The following HMCN1 variants were observed in gnomAD, a reference collection of about 807,000 sequenced individuals.
The protein encoded by HMCN1 is hemicentin 1.
A neutral mutation model predicts 625.9 loss-of-function variants in HMCN1; 321 were observed. That is an observed-to-expected ratio of 0.51 (90% confidence interval 0.47 to 0.56). HMCN1 has a LOEUF of 0.56. Among genes scored for constraint, HMCN1 ranks in the 20% least tolerant of loss-of-function variants. The pLI, the probability that HMCN1 is intolerant of heterozygous loss-of-function variation, is 0.00. For synonymous variants in HMCN1, 2,425 were observed against 2,417.6 expected (o/e 1.00, Z -0.09); for missense variants, 6,588 against 6,887.3 (o/e 0.96, Z 1.54).
intron 72 of HMCN1, 37 bp from the exon 73 acceptor site, chr1:186,113,942 G>T: frequency 6.2e-7 from 1 of 1,612,738 alleles, no homozygotes; most frequent in Non-Finnish European, 8.5e-7. Flanking sequence ...GTATTATTTA[G>T]TCTCACTGAA....
rs370021314 is a variant in HMCN1, at chr1:185,922,451, C to T, written c.973C>T (p.Arg325Ter). Residue 325 changes from arginine to a stop codon, truncating the protein, a stop_gained, in exon 7 of 107, where the codon CGA becomes TGA. Coordinates refer to ENST00000271588, the MANE Select transcript of HMCN1 (RefSeq NM_031935.3). LOFTEE classifies it high-confidence loss of function. ...TATTGATTTCCGAGCTGGCTTTTCT[C>T]GAAAGCCCACCCTGGACTTCAAAAA... ...STIDFRAGFS[R>*]KPTLDFKKTV... 3 of 1,613,680 alleles carry T rather than the reference C, an allele frequency of 1.9e-6. No homozygotes were observed. The highest frequency in any genetic ancestry group is 2.5e-6 in the Non-Finnish European group (3 of 1,179,752).
chr1:186,027,953 C>CAGGAATGTT (rs923125533), intron 36 of HMCN1, among the ~76,000 whole-genome samples: 9 of 152,110 alleles, frequency 5.9e-5, no homozygotes, highest in African/African-American at 1.9e-4. Context: ...AAAGGAGACT[C>CAGGAATGTT]GGGAATGTTG....
At chr1:186,084,622 C>A (rs1020291561) in intron 57 of HMCN1, among the ~76,000 whole-genome samples, 2 of 151,904 alleles carry the variant, frequency 1.3e-5, no homozygotes, top group Non-Finnish European at 2.9e-5. Flanking sequence ...TTTTCACTTT[C>A]CTTCATGGCC....
At chr1:185,904,183 C>T (rs1375079748) in intron 4 of HMCN1, among the ~76,000 whole-genome samples, 1 of 151,744 alleles carries the variant, frequency 6.6e-6, no homozygotes, top group Non-Finnish European at 1.5e-5. Flanking sequence ...TGCTTAGTGA[C>T]TTCTAAGCAA....
At chr1:185,824,488 A>G (rs1660389514) in intron 1 of HMCN1, among the ~76,000 whole-genome samples, 1 of 152,146 alleles carries the variant, frequency 6.6e-6, no homozygotes, top group Non-Finnish European at 1.5e-5. Flanking sequence ...CAAGCTACAC[A>G]ATGCCTTCTG....
At chr1:185,982,528 C>T in intron 18 of HMCN1, 139 bp downstream of exon 18, 1 of 766,170 alleles carries the variant, frequency 1.3e-6, no homozygotes, top group Non-Finnish European at 2.1e-6. Flanking sequence ...GCAACCTCTG[C>T]CTCCTGGGTT....
chr1:186,015,321 A>T lies in HMCN1; in HGVS notation c.4793A>T (p.Asp1598Val), dbSNP rs1379095813. The change falls in exon 31 of 107, where the codon GAT becomes GTT. Residue 1598 changes from aspartate (D) to valine (V), a missense_variant. Around this residue, in one of 3 missense-constraint regions of HMCN1, gnomAD observed 4,628 missense variants for 4,853.1 expected, o/e 0.95. Coordinates refer to ENST00000271588, the MANE Select transcript of HMCN1 (RefSeq NM_031935.3). ...IMSSSQALYI[D>V]KGQYLHIPRA... The stretch of plus-strand genomic sequence containing the variant: ...TCCAGCTCACAAGCACTTTATATTG[A>T]TAAAGGACAATATCTTCATATTCCT... The T allele has an allele frequency of 6.2e-7, 1 of 1,613,814 alleles. No homozygotes were observed. The highest frequency in any genetic ancestry group is 8.5e-7 in the Non-Finnish European group (1 of 1,179,806).
At chr1:186,174,939 ATC>A (rs1652469974) in intron 103 of HMCN1, among the ~76,000 whole-genome samples, 1 of 152,226 alleles carries the variant, frequency 6.6e-6, no homozygotes, top group Non-Finnish European at 1.5e-5. Context: ...TATCAAGATT[ATC>A]TCATTGATTA....
At chr1:185,751,506 C>G (rs1654813568) in intron 1 of HMCN1, among the ~76,000 whole-genome samples, 1 of 152,008 alleles carries the variant, frequency 6.6e-6, no homozygotes. Context: ...TCTTTCCTGC[C>G]TGGAACCTGG....
At chr1:186,147,957 T>C (rs544786505) in intron 93 of HMCN1, among the ~76,000 whole-genome samples, 3 of 152,202 alleles carry the variant, frequency 2.0e-5, no homozygotes, top group Non-Finnish European at 2.9e-5. Flanking sequence ...GCCACATCAA[T>C]TGATTCTTCC....
At chr1:186,160,289 C>T (rs367715099) in intron 97 of HMCN1, among the ~76,000 whole-genome samples, 169 of 145,922 alleles carry the variant, frequency 1.2e-3, no homozygotes, top group African/African-American at 2.3e-3. Context: ...TTTTTTATTG[C>T]GTCTATTTGA....
At chr1:186,014,532 T>C (rs1654226620) in intron 30 of HMCN1, among the ~76,000 whole-genome samples, 1 of 152,022 alleles carries the variant, frequency 6.6e-6, no homozygotes. Flanking sequence ...ACTGAGTGAC[T>C]TGAGTTGTTT....
intron 39 of HMCN1, among the ~76,000 whole-genome samples, 167 bp downstream of exon 39, chr1:186,040,046 C>G (rs1250869145): frequency 6.6e-6 from 1 of 152,098 alleles, no homozygotes; most frequent in African/African-American, 2.4e-5. Context: ...CTGGGGTCCC[C>G]AAACAATTCA....
intron 93 of HMCN1, among the ~76,000 whole-genome samples, 153 bp from the exon 94 acceptor site, chr1:186,151,047 T>C (rs1304361422): frequency 6.6e-6 from 1 of 152,212 alleles, no homozygotes; most frequent in Non-Finnish European, 1.5e-5. Context: ...TTTTAAAAGC[T>C]TATTTATTTC....
intron 20 of HMCN1, among the ~76,000 whole-genome samples, chr1:185,988,166 G>A (rs11801652): frequency 0.029 from 4,411 of 152,224 alleles, 219 homozygotes; most frequent in African/African-American, 0.1. Context: ...ATAAAGTTCT[G>A]TGGTATAGTC....
chr1:185,754,616 A>AGAG (rs1174108810), intron 1 of HMCN1, among the ~76,000 whole-genome samples: 10 of 152,314 alleles, frequency 6.6e-5, no homozygotes, highest in Admixed American at 2.0e-4. Context: ...TATATTGTAA[A>AGAG]GAGAGGTGAT....
At chr1:185,936,616 T>C (rs1667825481) in intron 11 of HMCN1, among the ~76,000 whole-genome samples, 1 of 152,206 alleles carries the variant, frequency 6.6e-6, no homozygotes. Context: ...ATTAGGAAAC[T>C]AGCAGGACAG....
intron 62 of HMCN1, 147 bp downstream of exon 62, chr1:186,088,423 A>G: frequency 7.2e-7 from 1 of 1,393,566 alleles, no homozygotes. Context: ...CAGATTTACA[A>G]AATAGACTCA....
At chr1:186,084,792 TGCTGTG>T (rs1659375090) in intron 57 of HMCN1, among the ~76,000 whole-genome samples, 1 of 152,054 alleles carries the variant, frequency 6.6e-6, no homozygotes, top group Non-Finnish European at 1.5e-5. Flanking sequence ...ACCTACCAGG[TGCTGTG>T]CCAAATGTTT....
Sources: allele counts gnomAD v4.1 joint callset (sites outside exome capture counted in the v4.1 genomes callset), GRCh38; gene constraint gnomAD v4.1.1; regional missense constraint gnomAD v4.1.1; transcripts MANE v1.5; gene names NCBI Gene and HGNC (gene_info 2026-07-23, HGNC 2026-07-21).